AHRR: variants seen among roughly 807,000 people sequenced by gnomAD.
AHRR encodes the protein ahR repressor.
AHRR carries 28 observed loss-of-function variants against 44.0 expected under a neutral mutation model. The observed-to-expected ratio is 0.64, with a 90% CI of 0.47 to 0.87. AHRR has a LOEUF of 0.87. Among genes scored for constraint, AHRR ranks in the 40% least tolerant of loss-of-function variants. AHRR has a pLI of 0.00. For synonymous variants in AHRR, 434 were observed against 407.0 expected (o/e 1.07, Z -0.80); for missense variants, 990 against 953.9 (o/e 1.04, Z -0.50).
At chr5:323,837 C>G (rs991867249) in intron 1 of AHRR, among the ~76,000 whole-genome samples, 1 of 152,116 alleles carries the variant, frequency 6.6e-6, no homozygotes, top group African/African-American at 2.4e-5. Flanking sequence ...TTGAAGGAGA[C>G]TCAACGGAGC....
At position 403,909 on chromosome 5, in the gene AHRR, A is replaced by G. The variant is rs1735142250; in HGVS notation, c.352-9435A>G. On this transcript the variant is annotated intron_variant, in intron 4 of 10. Transcript: ENST00000684583. ...TTGTGGCCTAGATGAGAATGTAGCT[A>G]TTCCAGGCACAGTCTGGAGTATTTG... The G allele has an allele frequency of 1.3e-5, 20 of 1,580,488 alleles. 1 individual carries two copies. The South Asian group carries it at 2.1e-4, about 17-fold the overall frequency.
intron 4 of AHRR, among the ~76,000 whole-genome samples, chr5:378,171 C>G (rs142268407): frequency 1.3e-3 from 203 of 152,320 alleles, no homozygotes; most frequent in African/African-American, 4.5e-3. Flanking sequence ...AATATTCCAA[C>G]AGGGCAAAAT....
rs557348936 is a variant in AHRR, at chr5:400,208, C to G, written c.352-13136C>G. Among the ~76,000 whole-genome samples the G allele has an allele frequency of 6.6e-5, 10 of 152,350 alleles. No homozygotes were observed. In the South Asian group the frequency reaches 2.1e-3, roughly 32 times the overall value. ...TTCCCTCATTTTCCCTCTGCCATGACCTTGACAAAAATAATCTTTGAAGTA... is the reference window on the plus strand; with the variant it reads ...TTCCCTCATTTTCCCTCTGCCATGAGCTTGACAAAAATAATCTTTGAAGTA... On this transcript the variant is annotated intron_variant, in intron 4 of 10. Transcript: ENST00000684583.
At chr5:331,454 AT>A (rs1741908763) in intron 1 of AHRR, among the ~76,000 whole-genome samples, 1 of 151,934 alleles carries the variant, frequency 6.6e-6, no homozygotes, top group Non-Finnish European at 1.5e-5. Context: ...AGCAGTCTCT[AT>A]TTCGTTTAGC....
At chr5:386,221 A>T (rs1021514352) in intron 4 of AHRR, among the ~76,000 whole-genome samples, 2 of 152,090 alleles carry the variant, frequency 1.3e-5, no homozygotes, top group East Asian at 3.8e-4. Flanking sequence ...TCTGTTTATC[A>T]TCTTTTCCCT....
chr5:412,715 CTTTTTT>C (rs11285209), intron 4 of AHRR, among the ~76,000 whole-genome samples: 3 of 96,952 alleles, frequency 3.1e-5, no homozygotes, highest in Admixed American at 1.2e-4. Context: ...CTCTCTCTCT[CTTTTTT>C]TTTTTTTTTT....
In AHRR at chr5:427,676, C is replaced by A. The variant is rs750094472; in HGVS notation, c.709-131C>A. Reference sequence around the variant, plus strand: ...GGCTTGGCAGCTGCGGCTCTGCTGTCCCGAGCCACTCATGGTGAGCTGCCT... The same window carrying A: ...GGCTTGGCAGCTGCGGCTCTGCTGTACCGAGCCACTCATGGTGAGCTGCCT... On this transcript the variant is annotated intron_variant, in intron 7 of 10. Transcript: ENST00000684583. 4 of 1,613,714 alleles carry A rather than the reference C, an allele frequency of 2.5e-6. No individual in the cohort carries two copies. The South Asian group carries it at 4.4e-5, about 18-fold the overall frequency.
rs376227888 is a variant in AHRR at position 376,647 on chromosome 5, C to T, written c.282C>T (p.Gly94=). Reference sequence around the variant, plus strand: ...AGAGCTCACGGCAGCCTGCGGCCGGCGCCCCCTCGCCCGGAGACAGCTGTC... The same window carrying T: ...AGAGCTCACGGCAGCCTGCGGCCGGTGCCCCCTCGCCCGGAGACAGCTGTC... The part of the protein sequence containing the change: ...QEQSSRQPAA[G]APSPGDSCPL... The change falls in exon 4 of 11, where the codon GGC becomes GGT. Residue 94 remains glycine, a synonymous_variant. Transcript: ENST00000684583. 43 of 1,389,560 alleles carry T rather than the reference C, an allele frequency of 3.1e-5. No individual in the cohort carries two copies. The highest frequency in any genetic ancestry group is 1.1e-4 in the Admixed American group (5 of 45,544). 86.1% of individuals were successfully genotyped at this position (1,389,560 alleles called of 1,614,324 possible).
At chr5:351,235 G>C (rs555994790) in intron 2 of AHRR, among the ~76,000 whole-genome samples, 8 of 152,342 alleles carry the variant, frequency 5.3e-5, no homozygotes, top group African/African-American at 1.9e-4. Flanking sequence ...ATATGACCCA[G>C]CAACTCTACT....
At position 433,930 on chromosome 5, in the gene AHRR, C is replaced by G. The variant is rs575290606; in HGVS notation, c.1190C>G (p.Thr397Arg). 200 of 1,536,920 alleles carry G rather than the reference C, an allele frequency of 1.3e-4. 2 individuals are homozygous for G. In the South Asian group the frequency reaches 2.3e-3, roughly 18 times the overall value. The change falls in exon 11 of 11, where the codon ACA (threonine) becomes AGA (arginine). Residue 397 changes from threonine (T) to arginine (R), a missense_variant. By Grantham distance (71) the Thr-to-Arg change is moderately conservative. Transcript: ENST00000684583. ...VTGRRETPGP[T>R]KPLPWTAGKH... ...GGGCGGAGGGAGACTCCAGGACCCA[C>G]AAAGCCCCTGCCCTGGACAGCGGGA...
chr5:432,715 T>C, intron 9 of AHRR, 91 bp from the exon 10 acceptor site: 1 of 1,598,472 alleles, frequency 6.3e-7, no homozygotes, highest in African/African-American at 1.3e-5. Context: ...GAGGAGCCGA[T>C]GGGTCCTGCC....
rs559086108 is a variant in AHRR, at chr5:387,739, G to T, written c.351+11023G>T. On this transcript the variant is annotated intron_variant, in intron 4 of 10. Transcript: ENST00000684583. The surrounding 1 kb of genome is among the most constrained non-coding windows in gnomAD (Gnocchi z 5.1). ...TCTGAGTGTGATCGTGTGTCCATAC[G>T]CTGTACCTGCCGGAACTTGGCGACA... 6.6e-6 allele frequency among the ~76,000 whole-genome samples: 1 copy of T among 152,232 alleles called. No homozygotes were observed. Among genetic ancestry groups the T allele is most frequent in the Non-Finnish European group, 1.5e-5 (1 of 68,042 alleles).
At position 434,603 on chromosome 5, in the gene AHRR, C is replaced by T. The variant is rs1483751832; in HGVS notation, c.1863C>T (p.Pro621=). 2 of 1,567,440 alleles carry T rather than the reference C, an allele frequency of 1.3e-6. No individual in the cohort carries two copies. The highest frequency in any genetic ancestry group is 1.7e-6 in the Non-Finnish European group (2 of 1,156,576). The change falls in exon 11 of 11, where the codon CCC becomes CCT. Residue 621 remains proline, a synonymous_variant. Coordinates refer to ENST00000684583, the MANE Select transcript of AHRR (RefSeq NM_001377236.1). Reference sequence around the variant, plus strand: ...CTGCACACTGTGCCTGCCTGGAGCCCACAGACGGCCTTCCCCAGTCGGAGC... The same window carrying T: ...CTGCACACTGTGCCTGCCTGGAGCCTACAGACGGCCTTCCCCAGTCGGAGC... ...FHPAHCACLE[P]TDGLPQSEPP...
At chr5:352,118 C>T (rs925603678) in intron 2 of AHRR, among the ~76,000 whole-genome samples, 5 of 152,232 alleles carry the variant, frequency 3.3e-5, no homozygotes, top group Admixed American at 6.5e-5. Context: ...TCTTTTCTTT[C>T]GCATGATTGC....
At chr5:384,218 A>G (rs1165105644) in intron 4 of AHRR, among the ~76,000 whole-genome samples, 1 of 151,910 alleles carries the variant, frequency 6.6e-6, no homozygotes, top group African/African-American at 2.4e-5. Flanking sequence ...TTGGTATTAC[A>G]TTTTAGCTTA....
chr5:330,383 AT>A (rs1257280865), intron 1 of AHRR, among the ~76,000 whole-genome samples: 2 of 151,778 alleles, frequency 1.3e-5, no homozygotes, highest in Non-Finnish European at 2.9e-5. Flanking sequence ...TTTGTTGAAG[AT>A]TTTTTTTGAG....
rs952568683 is a variant in AHRR, at chr5:438,117, C to T, written c.*3283C>T. 2 of 152,302 alleles carry T rather than the reference C, an allele frequency of 1.3e-5. No homozygotes were observed. Among genetic ancestry groups the T allele is most frequent in the South Asian group, 2.1e-4 (1 of 4,834 alleles). The allele number at this position is 152,302 out of a possible 1,614,324, so 9.4% of individuals were successfully genotyped here. On this transcript the variant is annotated 3_prime_UTR_variant, in exon 11 of 11. Coordinates refer to ENST00000684583, the MANE Select transcript of AHRR (RefSeq NM_001377236.1). ...TACTGGAAGAAAAAAGTTTTCAATACCTAGACCAACTTGTTGAATTTTTAA... is the reference window on the plus strand; with the variant it reads ...TACTGGAAGAAAAAAGTTTTCAATATCTAGACCAACTTGTTGAATTTTTAA...
rs971404590 is a variant in AHRR, at chr5:419,938, G to A, written c.442-2791G>A. Among the ~76,000 whole-genome samples the A allele has an allele frequency of 6.6e-6, 1 of 152,242 alleles. No individual in the cohort carries two copies. The highest frequency in any genetic ancestry group is 2.4e-5 in the African/African-American group (1 of 41,460). ...TGGGAGGTAGAGTGGTTTAGAATAAGAACTCCGAAAGGTTCCTTGTGGATC... is the reference window on the plus strand; with the variant it reads ...TGGGAGGTAGAGTGGTTTAGAATAAAAACTCCGAAAGGTTCCTTGTGGATC... On this transcript the variant is annotated intron_variant, in intron 5 of 10. Transcript: ENST00000684583. The surrounding 1 kb of genome is among the most constrained non-coding windows in gnomAD (Gnocchi z 4.4).
At chr5:382,007 T>G (rs1734006012) in intron 4 of AHRR, among the ~76,000 whole-genome samples, 1 of 152,232 alleles carries the variant, frequency 6.6e-6, no homozygotes, top group Non-Finnish European at 1.5e-5. Context: ...TTTAAAATGT[T>G]GAACTAACCT....
Sources: gnomAD v4.1 joint callset for allele counts (sites outside exome capture counted in the v4.1 genomes callset) on GRCh38, gnomAD v4.1.1 for gene constraint, Gnocchi (gnomAD v3.1) non-coding constraint, MANE v1.5 for transcripts, NCBI Gene and HGNC (gene_info 2026-07-23, HGNC 2026-07-21) for gene names.